The following FAAH2 variants were observed in gnomAD, a reference collection of about 807,000 sequenced individuals.
The protein encoded by FAAH2 is fatty-acid amide hydrolase 2.
A neutral mutation model predicts 36.9 loss-of-function variants in FAAH2; 60 were observed. The ratio of observed to expected loss-of-function variants is 1.63; its 90% CI spans 1.32 to 2.02. FAAH2 has a LOEUF of 2.02. Among genes scored for constraint, FAAH2 ranks in the 30% most tolerant of loss-of-function variants. FAAH2 has a pLI of 0.00. For synonymous variants in FAAH2, 214 were observed against 143.8 expected (o/e 1.49, Z -3.49); for missense variants, 689 against 397.5 (o/e 1.73, Z -6.23).
chrX:57,257,089 TGGTG>T, the FAAH2 span, among the ~76,000 whole-genome samples: 1 of 112,304 alleles, frequency 8.9e-6, no homozygotes, highest in East Asian at 2.8e-4. Context: ...TTTACATTGT[TGGTG>T]GGAGTATAAA....
chrX:57,413,488 C>G (rs746449052), intron 7 of FAAH2, among the ~76,000 whole-genome samples: 2 of 111,641 alleles, frequency 1.8e-5, no homozygotes, highest in Non-Finnish European at 3.8e-5. Context: ...GAATCCTTTC[C>G]CCATTGCTTG....
intron 10 of FAAH2, among the ~76,000 whole-genome samples, chrX:57,458,502 A>C (rs761123490): frequency 9.0e-6 from 1 of 111,199 alleles, no homozygotes; most frequent in East Asian, 2.9e-4. Context: ...AAAAAAAAAC[A>C]AAAAAATCCT....
chrX:57,123,319 A>G, the FAAH2 span, among the ~76,000 whole-genome samples: 9 of 111,967 alleles, frequency 8.0e-5, no homozygotes, highest in Non-Finnish European at 1.5e-4. Context: ...ATGTCCCTAC[A>G]AAGGACACGG....
intron 7 of FAAH2, among the ~76,000 whole-genome samples, chrX:57,399,890 AG>A (rs1261094700): frequency 8.9e-6 from 1 of 111,942 alleles, no homozygotes; most frequent in East Asian, 2.8e-4. Flanking sequence ...TCCTGGAGTG[AG>A]GGGATTACTT....
At chrX:57,188,144 GC>G in the FAAH2 span, among the ~76,000 whole-genome samples, 1 of 111,065 alleles carries the variant, frequency 9.0e-6, no homozygotes, top group Admixed American at 9.6e-5. Flanking sequence ...TAGTACTATC[GC>G]CTCTTTGTAC....
At chrX:57,172,427 G>T in the FAAH2 span, among the ~76,000 whole-genome samples, 1 of 110,562 alleles carries the variant, frequency 9.0e-6, no homozygotes, top group Non-Finnish European at 1.9e-5. Flanking sequence ...CCTCATGACA[G>T]TGTCTAGGTA....
At chrX:57,384,515 G>T (rs2054957050) in intron 7 of FAAH2, among the ~76,000 whole-genome samples, 1 of 110,399 alleles carries the variant, frequency 9.1e-6, no homozygotes, top group Admixed American at 9.6e-5. Flanking sequence ...GTGGGCAAAG[G>T]ATATGAACAG....
chrX:57,376,455 C>T (rs2054681254), intron 5 of FAAH2, among the ~76,000 whole-genome samples: 1 of 111,008 alleles, frequency 9.0e-6, no homozygotes, highest in South Asian at 3.8e-4. Context: ...TCTCATTGTT[C>T]AACTCCCACT....
intron 7 of FAAH2, among the ~76,000 whole-genome samples, chrX:57,390,080 G>T (rs2055129174): frequency 1.8e-5 from 2 of 110,878 alleles, no homozygotes; most frequent in African/African-American, 6.5e-5. Flanking sequence ...TGTATATTTT[G>T]AATATTAATC....
At chrX:57,219,441 G>T in the FAAH2 span, among the ~76,000 whole-genome samples, 1 of 111,697 alleles carries the variant, frequency 9.0e-6, no homozygotes, top group African/African-American at 3.3e-5. Flanking sequence ...GCCTCCAGTC[G>T]CCTCTCTGTG....
the FAAH2 span, among the ~76,000 whole-genome samples, chrX:57,271,980 C>T: frequency 7.0e-4 from 77 of 109,297 alleles, no homozygotes; most frequent in African/African-American, 2.2e-3. Flanking sequence ...ATGTTCTAAC[C>T]CAATGCAAGG....
intron 5 of FAAH2, among the ~76,000 whole-genome samples, chrX:57,345,050 T>C (rs1454908232): frequency 9.0e-6 from 1 of 110,644 alleles, no homozygotes; most frequent in Admixed American, 9.7e-5. Context: ...ACTTTTGTTG[T>C]TGTGTCTGTG....
At chrX:57,287,041 C>T (rs1420922738) in intron 1 of FAAH2, 24 bp downstream of exon 1, 3 of 1,136,157 alleles carry the variant, frequency 2.6e-6, no homozygotes, top group Non-Finnish European at 2.3e-6. Context: ...TCAGAAGAGG[C>T]TGGAGGGACA....
intron 7 of FAAH2, among the ~76,000 whole-genome samples, chrX:57,382,171 A>C (rs751657029): frequency 3.5e-4 from 39 of 111,583 alleles, no homozygotes; most frequent in African/African-American, 1.2e-3. Context: ...GACACATTTA[A>C]AGCAATGTGT....
chrX:57,372,314 T>A (rs1204081477), intron 5 of FAAH2, among the ~76,000 whole-genome samples: 1 of 111,141 alleles, frequency 9.0e-6, no homozygotes, highest in Non-Finnish European at 1.9e-5. Context: ...CATCTGTAAT[T>A]TTTTTAACTT....
At chrX:57,449,170 C>A (rs2056738965) in intron 10 of FAAH2, among the ~76,000 whole-genome samples, 1 of 112,130 alleles carries the variant, frequency 8.9e-6, no homozygotes, top group South Asian at 3.7e-4. Context: ...ATTCTATTCA[C>A]CAAACTAATT....
At chrX:57,423,134 C>T (rs1007938785) in intron 7 of FAAH2, among the ~76,000 whole-genome samples, 5 of 112,073 alleles carry the variant, frequency 4.5e-5, no homozygotes, top group African/African-American at 1.6e-4. Flanking sequence ...TTGGGAAGTG[C>T]TTTGTGTGCA....
chrX:57,465,592 C>A (rs2057034450), intron 10 of FAAH2, among the ~76,000 whole-genome samples: 1 of 111,056 alleles, frequency 9.0e-6, no homozygotes, highest in Non-Finnish European at 1.9e-5. Context: ...CAGAATCTTT[C>A]AAATGTTAAG....
At chrX:57,282,315 G>A (rs926351016), upstream of FAAH2, among the ~76,000 whole-genome samples, 4 of 111,862 alleles carry the variant, frequency 3.6e-5, no homozygotes, top group Admixed American at 3.8e-4. Flanking sequence ...TTTCTCTGAC[G>A]ATTAGTGATG....
Sources: allele counts gnomAD v4.1 joint callset (sites outside exome capture counted in the v4.1 genomes callset), GRCh38; gene constraint gnomAD v4.1.1; transcripts MANE v1.5; gene names NCBI Gene and HGNC (gene_info 2026-07-23, HGNC 2026-07-21).